Variants in NRF1 observed in about 807,000 individuals in gnomAD.
NRF1 encodes the protein alpha palindromic-binding protein.
In NRF1, 5 loss-of-function variants were observed where a neutral mutation model predicts 58.5. The observed-to-expected ratio is 0.09, with a 90% CI of 0.04 to 0.18. The LOEUF (loss-of-function observed/expected upper bound fraction) is 0.18. Among genes scored for constraint, NRF1 ranks in the 10% least tolerant of loss-of-function variants. The pLI is 1.00. For synonymous variants in NRF1, 224 were observed against 246.7 expected (o/e 0.91, Z 0.86); for missense variants, 288 against 657.7 (o/e 0.44, Z 6.15).
At chr7:129,730,034 A>G (rs1803541596) in intron 10 of NRF1, among the ~76,000 whole-genome samples, 2 of 151,890 alleles carry the variant, frequency 1.3e-5, no homozygotes, top group Non-Finnish European at 2.9e-5. Flanking sequence ...GAGATGGGCC[A>G]TGACTGGTCT....
chr7:129,616,073 T>A lies in NRF1; in HGVS notation c.-7+4249T>A, dbSNP rs147373761. ...TATATACACACACACATATATATATTTTTTATTTTTTCAAAAGTGCACTTC... is the reference window on the plus strand; with the variant it reads ...TATATACACACACACATATATATATATTTTATTTTTTCAAAAGTGCACTTC... On this transcript the variant is annotated intron_variant, in intron 1 of 10. Transcript: ENST00000393232. Among the ~76,000 whole-genome samples the A allele has an allele frequency of 2.6e-3, 400 of 152,270 alleles. 3 individuals carry two copies. Among genetic ancestry groups the A allele is most frequent in the African/African-American group, 9.2e-3 (382 of 41,560 alleles).
intron 1 of NRF1, among the ~76,000 whole-genome samples, chr7:129,614,443 T>TTGTGTGTGTGTGTGTG (rs56403369): frequency 0.079 from 11,450 of 145,744 alleles, 532 homozygotes; most frequent in Admixed American, 0.12. Flanking sequence ...AAATATGTAT[T>TTGTGTGTGTGTGTGTG]TGTGTGTGTG....
At chr7:129,656,239 G>A (rs1007345478) in intron 1 of NRF1, among the ~76,000 whole-genome samples, 2 of 151,950 alleles carry the variant, frequency 1.3e-5, no homozygotes, top group African/African-American at 2.4e-5. Context: ...CAAGTGACTG[G>A]TTATATAAAT....
At chr7:129,718,307 G>A (rs915469173) in intron 9 of NRF1, among the ~76,000 whole-genome samples, 2 of 152,176 alleles carry the variant, frequency 1.3e-5, no homozygotes, top group African/African-American at 4.8e-5. Flanking sequence ...AAGCTGTTTG[G>A]CATCGAGCAG....
At chr7:129,714,425 A>G (rs1223532014) in intron 8 of NRF1, among the ~76,000 whole-genome samples, 1 of 152,240 alleles carries the variant, frequency 6.6e-6, no homozygotes, top group African/African-American at 2.4e-5. Flanking sequence ...GATCAGAAAC[A>G]GGAAGACCAT....
chr7:129,689,108 C>A (rs1215822278), intron 4 of NRF1, among the ~76,000 whole-genome samples: 1 of 152,140 alleles, frequency 6.6e-6, no homozygotes, highest in Non-Finnish European at 1.5e-5. Context: ...ACAACTGAAT[C>A]TCTGGAAAGA....
chr7:129,723,313 G>C (rs770402499), intron 9 of NRF1, among the ~76,000 whole-genome samples: 160 of 151,908 alleles, frequency 1.1e-3, no homozygotes, highest in Non-Finnish European at 1.8e-3. Context: ...CATGGTGGCG[G>C]GTGCCTGTAA....
chr7:129,677,899 C>G (rs1802219349), intron 4 of NRF1, 141 bp downstream of exon 4: 1 of 835,636 alleles, frequency 1.2e-6, no homozygotes, highest in African/African-American at 1.8e-5. Context: ...AGTTTTCAGA[C>G]TGCTTTATGC....
At chr7:129,639,260 A>G (rs879903946) in intron 1 of NRF1, among the ~76,000 whole-genome samples, 19 of 151,744 alleles carry the variant, frequency 1.3e-4, no homozygotes, top group Non-Finnish European at 1.9e-4. Context: ...GGGTTTCACT[A>G]TTTTGGCCAG....
At chr7:129,680,168 ATTAT>A (rs1274181134) in intron 4 of NRF1, among the ~76,000 whole-genome samples, 6 of 152,192 alleles carry the variant, frequency 3.9e-5, no homozygotes, top group Non-Finnish European at 7.3e-5. Context: ...ATGATAAATA[ATTAT>A]TTATCATTAA....
chr7:129,705,902 C>T (rs559635977), intron 5 of NRF1, among the ~76,000 whole-genome samples: 38 of 152,184 alleles, frequency 2.5e-4, no homozygotes, highest in African/African-American at 7.9e-4. Context: ...GATCATGCCA[C>T]TGCACTCCAG....
intron 10 of NRF1, among the ~76,000 whole-genome samples, chr7:129,727,819 T>C (rs1380088373): frequency 6.6e-6 from 1 of 152,190 alleles, no homozygotes; most frequent in Non-Finnish European, 1.5e-5. Flanking sequence ...CAGCAGGCTG[T>C]GATGCCGGTG....
rs147916521 is a variant in NRF1, at chr7:129,634,259, C to G, written c.-7+22435C>G. Among the ~76,000 whole-genome samples, 87 of 152,120 alleles carry G rather than the reference C, an allele frequency of 5.7e-4. 1 individual carries two copies. The East Asian group carries it at 0.015, about 27-fold the overall frequency. ...TCCATAGTTTACATTCAAGTTCATT[C>G]TGTGTGTTTGTGCAGTCTGTGGATT... On this transcript the variant is annotated intron_variant, in intron 1 of 10. Transcript: ENST00000393232.
intron 1 of NRF1, among the ~76,000 whole-genome samples, chr7:129,646,205 C>T (rs1801402840): frequency 6.6e-6 from 1 of 152,156 alleles, no homozygotes; most frequent in East Asian, 1.9e-4. Context: ...ATTTGAGATT[C>T]ATCAGTGTCT....
intron 9 of NRF1, among the ~76,000 whole-genome samples, chr7:129,723,647 G>T (rs933292787): frequency 6.6e-6 from 1 of 152,004 alleles, no homozygotes; most frequent in East Asian, 1.9e-4. Context: ...CCAGATCAAG[G>T]GTCTCCTGTT....
At chr7:129,675,897 A>C (rs1027312524) in intron 3 of NRF1, among the ~76,000 whole-genome samples, 3 of 152,214 alleles carry the variant, frequency 2.0e-5, no homozygotes, top group African/African-American at 2.4e-5. Context: ...TCTCCTCTCT[A>C]GCTAGGAAAG....
intron 4 of NRF1, among the ~76,000 whole-genome samples, chr7:129,680,233 C>T (rs1206185832): frequency 6.6e-6 from 1 of 151,634 alleles, no homozygotes; most frequent in East Asian, 1.9e-4. Flanking sequence ...TTTTCATTTC[C>T]CTAATGCTGA....
intron 1 of NRF1, among the ~76,000 whole-genome samples, chr7:129,614,371 C>T (rs925786669): frequency 1.2e-4 from 18 of 151,864 alleles, no homozygotes; most frequent in African/African-American, 4.4e-4. Context: ...TGGGCTTGGC[C>T]TCCGAAAGTG....
chr7:129,634,059 T>TACACACACAC (rs1358874411), intron 1 of NRF1, among the ~76,000 whole-genome samples: 24 of 124,848 alleles, frequency 1.9e-4, no homozygotes, highest in East Asian at 5.3e-4. Context: ...TATATATATA[T>TACACACACAC]ATACACACAC....
Sources: allele counts gnomAD v4.1 joint callset (sites outside exome capture counted in the v4.1 genomes callset), GRCh38; gene constraint gnomAD v4.1.1; transcripts MANE v1.5; gene names NCBI Gene and HGNC (gene_info 2026-07-23, HGNC 2026-07-21).